MLLT3: variants seen among roughly 807,000 people sequenced by gnomAD.
The protein encoded by MLLT3 is protein AF-9.
A neutral mutation model predicts 53.2 loss-of-function variants in MLLT3; 4 were observed. The ratio of observed to expected loss-of-function variants is 0.08; its 90% CI spans 0.04 to 0.17. MLLT3 has a LOEUF of 0.17. MLLT3 is among the 10% of genes least tolerant of loss of function. MLLT3 has a pLI of 1.00. For synonymous variants in MLLT3, 283 were observed against 230.6 expected, an observed-to-expected ratio of 1.23 and a Z score of -2.06; for missense variants, 569 against 684.0, an observed-to-expected ratio of 0.83 and a Z score of 1.87.
At chr9:20,509,125 C>T (rs998637234) in intron 2 of MLLT3, among the ~76,000 whole-genome samples, 3 of 152,186 alleles carry the variant, frequency 2.0e-5, no homozygotes, top group South Asian at 2.1e-4. Flanking sequence ...CAACCGTTTA[C>T]ATTCCATGAA....
intron 2 of MLLT3, among the ~76,000 whole-genome samples, chr9:20,539,403 T>A (rs1486780557): frequency 6.6e-6 from 1 of 152,218 alleles, no homozygotes; most frequent in Non-Finnish European, 1.5e-5. Flanking sequence ...GGGTAATTTA[T>A]AAATAAAAGA....
In MLLT3 at chr9:20,362,089, A is replaced by C. The variant is rs554394526; in HGVS notation, c.1332-1248T>G. ...GGAAGGCTAAGTATTTAAACTGATT[A>C]AACAGTTGAGACTTCACAAGTGCAG... On this transcript the variant is annotated intron_variant, in intron 7 of 10. Coordinates refer to ENST00000380338, the MANE Select transcript of MLLT3 (RefSeq NM_004529.4). Among the ~76,000 whole-genome samples the C allele has an allele frequency of 5.3e-5, 8 of 152,332 alleles. No individual in the cohort carries two copies. The South Asian group carries it at 1.0e-3, about 20-fold the overall frequency.
chr9:20,583,341 T>C (rs1819853842), intron 2 of MLLT3, among the ~76,000 whole-genome samples: 1 of 152,152 alleles, frequency 6.6e-6, no homozygotes, highest in South Asian at 2.1e-4. Context: ...TAAGTGTCTG[T>C]GGCTTTTCCA....
rs77963053 is a variant in MLLT3, at chr9:20,367,852, C to T, written c.1126-2108G>A. 6.0e-3 allele frequency among the ~76,000 whole-genome samples: 910 copies of T among 152,278 alleles called. 13 individuals carry two copies. The highest frequency in any genetic ancestry group is 0.021 in the African/African-American group (873 of 41,564). ...AGTTTATATTTGTTTCTCACCAATG[C>T]TTTGTTCATCTCCCTTTCCAGCACT... is the stretch of plus-strand genomic sequence containing the variant. On this transcript the variant is annotated intron_variant, in intron 5 of 10. Transcript: ENST00000380338.
chr9:20,358,794 C>T lies in MLLT3; in HGVS notation c.1431+1948G>A, dbSNP rs1821240440. ...GGCCCTGCCACTGCTGTGCCCATGA[C>T]GTATTGTAGCTCTCATATACCACCC... On this transcript the variant is annotated intron_variant, in intron 8 of 10. Coordinates refer to ENST00000380338, the MANE Select transcript of MLLT3 (RefSeq NM_004529.4). Among the ~76,000 whole-genome samples the T allele has an allele frequency of 2.6e-5, 4 of 152,124 alleles. No homozygotes were observed. The East Asian group carries it at 5.8e-4, about 22-fold the overall frequency.
intron 2 of MLLT3, among the ~76,000 whole-genome samples, chr9:20,614,407 G>A (rs1820773573): frequency 7.1e-6 from 1 of 140,908 alleles, no homozygotes; most frequent in Non-Finnish European, 1.6e-5. Context: ...AATGAAAGAA[G>A]GAAGGAAGGA....
chr9:20,486,605 A>G (rs1381486484), intron 2 of MLLT3, among the ~76,000 whole-genome samples: 1 of 152,180 alleles, frequency 6.6e-6, no homozygotes, highest in African/African-American at 2.4e-5. Flanking sequence ...AAGATTAGCG[A>G]AAGTTTTTAA....
intron 5 of MLLT3, among the ~76,000 whole-genome samples, chr9:20,372,583 T>C (rs1006892327): frequency 3.7e-5 from 3 of 81,864 alleles, no homozygotes; most frequent in Non-Finnish European, 8.0e-5. Flanking sequence ...TTTTTTTTTG[T>C]ATTTTTAGTA....
At chr9:20,606,398 G>A (rs966625003) in intron 2 of MLLT3, among the ~76,000 whole-genome samples, 2 of 152,086 alleles carry the variant, frequency 1.3e-5, no homozygotes, top group African/African-American at 4.8e-5. Flanking sequence ...TTCTAAAGCA[G>A]AGGTTCCTGC....
chr9:20,378,374 T>A (rs527850038), intron 5 of MLLT3, among the ~76,000 whole-genome samples: 28 of 152,112 alleles, frequency 1.8e-4, no homozygotes, highest in African/African-American at 5.8e-4. Flanking sequence ...AACAGGACAG[T>A]CTCATTATAA....
chr9:20,539,220 T>C lies in MLLT3; in HGVS notation c.193+81434A>G, dbSNP rs957385999. Among the ~76,000 whole-genome samples the C allele has an allele frequency of 4.6e-5, 7 of 152,242 alleles. No individual in the cohort carries two copies. In the South Asian group the frequency reaches 1.5e-3, roughly 32 times the overall value. ...CTGTTTGATAGCATTTTACCCACAG[T>C]TGAACTTCCTCCAAATTGGAGTCAA... On this transcript the variant is annotated intron_variant, in intron 2 of 10. Coordinates refer to ENST00000380338, the MANE Select transcript of MLLT3 (RefSeq NM_004529.4).
intron 2 of MLLT3, among the ~76,000 whole-genome samples, chr9:20,606,275 G>A (rs918866949): frequency 5.9e-5 from 9 of 151,776 alleles, no homozygotes; most frequent in African/African-American, 2.2e-4. Context: ...ACATAGGACT[G>A]GTTATTCAAG....
chr9:20,615,777 A>G (rs767537380), intron 2 of MLLT3, among the ~76,000 whole-genome samples: 8 of 151,578 alleles, frequency 5.3e-5, no homozygotes, highest in South Asian at 4.2e-4. Flanking sequence ...TGTGTAGCAG[A>G]GTTTTCCAGA....
chr9:20,482,119 C>T (rs953219904), intron 2 of MLLT3, among the ~76,000 whole-genome samples: 6 of 152,172 alleles, frequency 3.9e-5, no homozygotes, highest in African/African-American at 1.4e-4. Context: ...TTGTATTTCC[C>T]TATATTAGTC....
At chr9:20,397,625 T>C (rs1822355123) in intron 5 of MLLT3, among the ~76,000 whole-genome samples, 1 of 152,144 alleles carries the variant, frequency 6.6e-6, no homozygotes, top group Admixed American at 6.5e-5. Flanking sequence ...CAATCTATAT[T>C]TACCTAAGTT....
At chr9:20,618,749 A>T (rs1212081736) in intron 2 of MLLT3, among the ~76,000 whole-genome samples, 1 of 152,156 alleles carries the variant, frequency 6.6e-6, no homozygotes, top group Non-Finnish European at 1.5e-5. Context: ...CCCTCAGGGC[A>T]GACAGAAAAT....
intron 2 of MLLT3, among the ~76,000 whole-genome samples, chr9:20,470,213 G>T (rs1824349034): frequency 6.6e-6 from 1 of 151,824 alleles, no homozygotes; most frequent in African/African-American, 2.4e-5. Context: ...ATACAAACTT[G>T]GCTCTAGGAA....
chr9:20,395,349 G>A (rs541852466), intron 5 of MLLT3, among the ~76,000 whole-genome samples: 2 of 152,240 alleles, frequency 1.3e-5, no homozygotes, highest in Admixed American at 6.5e-5. Flanking sequence ...TCATGCCCTG[G>A]CAGAAGGCAA....
chr9:20,433,134 G>C lies in MLLT3; in HGVS notation c.420+14989C>G, dbSNP rs1045421366. ...GTGAGGAGGAACGGCTACAGGTGGA[G>C]AGACACCCGTACAGGGGCTGGGAGC... On this transcript the variant is annotated intron_variant, in intron 4 of 10. Transcript: ENST00000380338. Among the ~76,000 whole-genome samples the C allele has an allele frequency of 2.6e-5, 4 of 152,072 alleles. No individual in the cohort carries two copies. The East Asian group carries it at 5.8e-4, about 22-fold the overall frequency.
Sources: gnomAD v4.1 joint callset for allele counts (sites outside exome capture counted in the v4.1 genomes callset) on GRCh38, gnomAD v4.1.1 for gene constraint, MANE v1.5 for transcripts, NCBI Gene and HGNC (gene_info 2026-07-23, HGNC 2026-07-21) for gene names.